Variants in COQ8A observed in about 807,000 individuals in gnomAD.
COQ8A encodes the protein atypical kinase COQ8A, mitochondrial.
In COQ8A, 51 loss-of-function variants were observed where a neutral mutation model predicts 65.0. That is an observed-to-expected ratio of 0.78 (90% CI 0.63 to 0.99). COQ8A has a LOEUF of 0.99. Among genes scored for constraint, COQ8A ranks in the 50% least tolerant of loss-of-function variants. COQ8A has a pLI of 0.00. For missense variants in COQ8A, 940 were observed against 875.0 expected (o/e 1.07, Z -0.94); for synonymous variants, 371 against 353.2 (o/e 1.05, Z -0.57).
At chr1:226,956,763 G>C (rs1180250981) in intron 1 of COQ8A, among the ~76,000 whole-genome samples, 62 of 73,534 alleles carry the variant, frequency 8.4e-4, no homozygotes, top group Admixed American at 1.9e-3. Flanking sequence ...GCCACTCCCT[G>C]GTTCACACTC....
At position 226,977,432 on chromosome 1, in the gene COQ8A, C is replaced by T; in HGVS notation, c.656-17C>T. ...GCCCTGCGTGAGCACTGAGTGCCCG[C>T]CCCCTCCTCCTTGCAGGTCTGGCCG... On this transcript the variant is annotated splice_polypyrimidine_tract_variant and intron_variant, in intron 4 of 14. Transcript: ENST00000366777. The T allele has an allele frequency of 6.4e-7, 1 of 1,553,704 alleles. No homozygotes were observed. The highest frequency in any genetic ancestry group is 8.7e-7 in the Non-Finnish European group (1 of 1,148,920).
In COQ8A at chr1:226,965,263, A is replaced by C; in HGVS notation, c.441A>C (p.Ala147=). 1 of 1,614,006 alleles carries C rather than the reference A, an allele frequency of 6.2e-7. No homozygotes were observed. ...GCAGGGCCAACGGGAGGCTCTTTGCAAACCCCAGAGACTCATTCTCTGCCA... is the reference window on the plus strand; with the variant it reads ...GCAGGGCCAACGGGAGGCTCTTTGCCAACCCCAGAGACTCATTCTCTGCCA... ...PLGRANGRLF[A]NPRDSFSAMG... Residue 147 remains alanine, a synonymous_variant, in exon 3 of 15, where the codon GCA becomes GCC. Transcript: ENST00000366777.
chr1:226,979,586 C>G (rs1659569184), intron 5 of COQ8A, among the ~76,000 whole-genome samples: 2 of 152,208 alleles, frequency 1.3e-5, no homozygotes, highest in Non-Finnish European at 2.9e-5. Flanking sequence ...ATGGGGACCC[C>G]CAGAGACACC....
At chr1:226,962,586 C>T (rs1405009461) in intron 2 of COQ8A, among the ~76,000 whole-genome samples, 6 of 152,224 alleles carry the variant, frequency 3.9e-5, no homozygotes, top group East Asian at 1.9e-4. Context: ...TCTCCTTCCA[C>T]GTCTGTTCTG....
At chr1:226,951,233 A>T (rs1214138998) in intron 1 of COQ8A, among the ~76,000 whole-genome samples, 1 of 152,188 alleles carries the variant, frequency 6.6e-6, no homozygotes, top group Non-Finnish European at 1.5e-5. Context: ...GGAGGCTGAG[A>T]AAGTGGAGGG....
intron 1 of COQ8A, among the ~76,000 whole-genome samples, chr1:226,954,479 C>T (rs377440814): frequency 3.3e-5 from 5 of 152,234 alleles, no homozygotes; most frequent in East Asian, 1.9e-4. Context: ...TGCAGATTCC[C>T]GGGCCCCACC....
chr1:226,940,992 A>G (rs1170549233), intron 1 of COQ8A, among the ~76,000 whole-genome samples: 3 of 152,112 alleles, frequency 2.0e-5, no homozygotes, highest in Non-Finnish European at 2.9e-5. Flanking sequence ...CCTCTTCTCC[A>G]AACTCTGGGG....
intron 13 of COQ8A, 60 bp downstream of exon 13, chr1:226,985,001 G>A (rs988473894): frequency 6.3e-7 from 1 of 1,584,412 alleles, no homozygotes; most frequent in Non-Finnish European, 8.6e-7. Flanking sequence ...ACAGGATGCT[G>A]GGGGACTCGG....
Position 226,965,351 on chromosome 1 carries a change from G to T in COQ8A, c.529G>T (p.Asp177Tyr). The change falls in exon 3 of 15, where the codon GAC (aspartate) becomes TAC (tyrosine). Residue 177 changes from aspartate to tyrosine, a missense_variant. Transcript: ENST00000366777. ...QSPVGGLTAE[D>Y]IEKARQAKAR... ...CCCTGTTGGGGGCCTCACAGCCGAGGACATTGAGAAGGCCCGGCAGGCTAA... is the reference window on the plus strand; with the variant it reads ...CCCTGTTGGGGGCCTCACAGCCGAGTACATTGAGAAGGCCCGGCAGGCTAA... 6.2e-7 allele frequency: 1 copy of T among 1,613,226 alleles called. No individual in the cohort carries two copies. The highest frequency in any genetic ancestry group is 8.5e-7 in the Non-Finnish European group (1 of 1,179,900).
intron 5 of COQ8A, among the ~76,000 whole-genome samples, chr1:226,980,340 G>A (rs1029240416): frequency 3.3e-5 from 5 of 152,242 alleles, no homozygotes; most frequent in Admixed American, 6.5e-5. Flanking sequence ...GGGAAAGCCC[G>A]GATTGGGCCA....
At chr1:226,966,910 G>A (rs924448734) in intron 4 of COQ8A, among the ~76,000 whole-genome samples, 1 of 152,150 alleles carries the variant, frequency 6.6e-6, no homozygotes, top group East Asian at 1.9e-4. Context: ...CCTCTCCAAG[G>A]TGCTGAGCAG....
At chr1:226,968,235 T>C (rs1393896443) in intron 4 of COQ8A, among the ~76,000 whole-genome samples, 1 of 152,068 alleles carries the variant, frequency 6.6e-6, no homozygotes, top group East Asian at 1.9e-4. Flanking sequence ...CTCGGGAGGC[T>C]GAGGCACAAG....
intron 5 of COQ8A, among the ~76,000 whole-genome samples, chr1:226,981,752 G>A (rs1659705371): frequency 6.6e-6 from 1 of 152,190 alleles, no homozygotes; most frequent in Non-Finnish European, 1.5e-5. Context: ...GTCCCCATAT[G>A]GAAGGGAGAG....
intron 3 of COQ8A, 130 bp downstream of exon 3, chr1:226,965,540 TG>T: frequency 6.7e-7 from 1 of 1,495,376 alleles, no homozygotes. Context: ...GGCCTTCTCT[TG>T]GTGGAGTGTG....
intron 1 of COQ8A, among the ~76,000 whole-genome samples, chr1:226,957,646 C>T (rs1334469575): frequency 1.3e-5 from 2 of 152,018 alleles, no homozygotes; most frequent in Non-Finnish European, 2.9e-5. Context: ...CTGGTGGGTC[C>T]TGAGTGGACA....
At chr1:226,976,513 C>A (rs1659244809) in intron 4 of COQ8A, among the ~76,000 whole-genome samples, 1 of 152,126 alleles carries the variant, frequency 6.6e-6, no homozygotes. Flanking sequence ...GCTCTGGTCT[C>A]AGCCCTGCCG....
At chr1:226,984,396 T>C (rs1458565228) in intron 11 of COQ8A, 152 bp from the exon 12 acceptor site, 1 of 1,282,504 alleles carries the variant, frequency 7.8e-7, no homozygotes, top group East Asian at 2.4e-5. Context: ...ACAGGGGAGC[T>C]GCTGCCTTCC....
intron 1 of COQ8A, among the ~76,000 whole-genome samples, chr1:226,944,946 C>T (rs1337811160): frequency 6.6e-6 from 1 of 152,112 alleles, no homozygotes; most frequent in Non-Finnish European, 1.5e-5. Context: ...GCTGTAGCGC[C>T]CCTCTCTGCC....
intron 9 of COQ8A, 51 bp from the exon 10 acceptor site, chr1:226,983,702 CAGAGGGGG>C (rs1659860731): frequency 6.2e-7 from 1 of 1,612,032 alleles, no homozygotes; most frequent in Non-Finnish European, 8.5e-7. Context: ...TTCTGGGGAC[CAGAGGGGG>C]TCCTCCCTGC....
Sources: gnomAD v4.1 joint callset for allele counts (sites outside exome capture counted in the v4.1 genomes callset) on GRCh38, gnomAD v4.1.1 for gene constraint, MANE v1.5 for transcripts, NCBI Gene and HGNC (gene_info 2026-07-23, HGNC 2026-07-21) for gene names.